TMEM41B: variants seen among roughly 807,000 people sequenced by gnomAD.
TMEM41B encodes the protein protein stasimon.
A neutral mutation model predicts 31.9 loss-of-function variants in TMEM41B; 18 were observed. That is an observed-to-expected ratio of 0.56 (90% confidence interval 0.39 to 0.84). TMEM41B has a LOEUF of 0.84. Among genes scored for constraint, TMEM41B ranks in the 40% least tolerant of loss-of-function variants. TMEM41B has a pLI of 0.00. For synonymous variants in TMEM41B, 144 were observed against 124.3 expected, an observed-to-expected ratio of 1.16 and a Z score of -1.05; for missense variants, 322 against 348.0, an observed-to-expected ratio of 0.93 and a Z score of 0.59.
At chr11:9,296,079 A>T (rs1231861244) in intron 2 of TMEM41B, among the ~76,000 whole-genome samples, 1 of 150,414 alleles carries the variant, frequency 6.6e-6, no homozygotes, top group East Asian at 2.0e-4. Context: ...CTGGTCTCAA[A>T]TTCCTGACCT....
chr11:9,295,094 G>T (rs901687814), intron 3 of TMEM41B, 165 bp downstream of exon 3: 16 of 959,390 alleles, frequency 1.7e-5, no homozygotes, highest in Non-Finnish European at 2.1e-5. Context: ...CAGCAAATAG[G>T]ATTAAAGTGA....
intron 3 of TMEM41B, among the ~76,000 whole-genome samples, chr11:9,290,799 G>A (rs1235813624): frequency 2.0e-5 from 3 of 152,078 alleles, no homozygotes; most frequent in East Asian, 3.9e-4. Flanking sequence ...ACAAAGTAGA[G>A]AAACTAGTGT....
At chr11:9,313,043 GGCT>G (rs1202307679) in intron 1 of TMEM41B, among the ~76,000 whole-genome samples, 1 of 152,060 alleles carries the variant, frequency 6.6e-6, no homozygotes, top group Non-Finnish European at 1.5e-5. Context: ...GAATACAACT[GGCT>G]GCTACCTCAA....
chr11:9,310,041 A>AT lies in TMEM41B; in HGVS notation c.121+4279dup, dbSNP rs1254741007. On this transcript the variant is annotated intron_variant, in intron 1 of 6. Transcript: ENST00000528080. ...TTCCAAGTAATGTATTATTATTATT[A>AT]TTATTTTTTTTTGAGATGGAGTCTC... Among the ~76,000 whole-genome samples the AT allele has an allele frequency of 8.3e-3, 1,237 of 148,350 alleles. 26 individuals carry two copies. The highest frequency in any genetic ancestry group is 0.028 in the African/African-American group (1,124 of 40,154).
intron 6 of TMEM41B, among the ~76,000 whole-genome samples, 162 bp downstream of exon 6, chr11:9,286,293 C>T (rs1852835704): frequency 6.6e-6 from 1 of 152,128 alleles, no homozygotes; most frequent in Non-Finnish European, 1.5e-5. Flanking sequence ...CACAATTCAA[C>T]AAACACTTCT....
chr11:9,303,103 A>G (rs7945494), intron 1 of TMEM41B, among the ~76,000 whole-genome samples: 34,023 of 55,630 alleles, frequency 0.61, 13,753 homozygotes, highest in Non-Finnish European at 0.71. Context: ...TGCAACCTCC[A>G]CCTCCCAGGT....
chr11:9,314,111 C>CA (rs1853628549), intron 1 of TMEM41B, among the ~76,000 whole-genome samples: 1 of 152,240 alleles, frequency 6.6e-6, no homozygotes, highest in South Asian at 2.1e-4. Context: ...GAATTCTACT[C>CA]AAACAGCATT....
chr11:9,309,132 G>A (rs1004405028), intron 1 of TMEM41B, among the ~76,000 whole-genome samples: 6 of 151,978 alleles, frequency 3.9e-5, no homozygotes, highest in East Asian at 1.9e-4. Flanking sequence ...CTGTAATCCC[G>A]GCTACTGGGG....
chr11:9,314,267 C>T (rs1035005626), intron 1 of TMEM41B, 54 bp downstream of exon 1: 2 of 1,538,028 alleles, frequency 1.3e-6, no homozygotes, highest in Non-Finnish European at 1.7e-6. Context: ...TTTTCCCCAC[C>T]CGACACACAG....
At chr11:9,296,294 T>C (rs950456077) in intron 2 of TMEM41B, among the ~76,000 whole-genome samples, 4 of 152,078 alleles carry the variant, frequency 2.6e-5, no homozygotes, top group African/African-American at 4.8e-5. Flanking sequence ...AAGGCATTTG[T>C]TCCAACATCG....
intron 1 of TMEM41B, among the ~76,000 whole-genome samples, chr11:9,303,758 C>T (rs1853315020): frequency 6.6e-6 from 1 of 151,068 alleles, no homozygotes; most frequent in African/African-American, 2.4e-5. Flanking sequence ...ACCTCTGCCT[C>T]CCAGGTTCAA....
At chr11:9,314,244 A>C in intron 1 of TMEM41B, 77 bp downstream of exon 1, 8 of 1,470,328 alleles carry the variant, frequency 5.4e-6, no homozygotes, top group Non-Finnish European at 7.2e-6. Flanking sequence ...CTCTCCGAGA[A>C]TAGCGGGGGT....
rs983063214 is a variant in TMEM41B at position 9,314,326 on chromosome 11, T to C, written c.116A>G (p.Gln39Arg). ...GLAAPGSRDHQKEKSWVEAGS... is the reference protein window; with the variant it reads ...GLAAPGSRDHRKEKSWVEAGS... ...TGCTCCCCGGGCCCACTCACCCTTC[T>C]GGTGGTCTCTGCTGCCAGGCGCCGC... Residue 39 changes from glutamine (Q) to arginine (R), a missense_variant, in exon 1 of 7, where the codon CAG (glutamine) becomes CGG (arginine). Around this residue, in one of 3 missense-constraint regions of TMEM41B, gnomAD observed 183 missense variants for 175.3 expected, o/e 1.04. Coordinates refer to ENST00000528080, the MANE Select transcript of TMEM41B (RefSeq NM_015012.4). 24 of 1,598,780 alleles carry C rather than the reference T, an allele frequency of 1.5e-5. No individual in the cohort carries two copies. Among genetic ancestry groups the C allele is most frequent in the Non-Finnish European group, 2.0e-5 (24 of 1,176,626 alleles).
At chr11:9,290,335 G>A (rs545949033) in intron 3 of TMEM41B, among the ~76,000 whole-genome samples, 8 of 152,088 alleles carry the variant, frequency 5.3e-5, no homozygotes, top group South Asian at 2.1e-4. Context: ...CCGAGATCTC[G>A]CCACTGCAAG....
chr11:9,284,469 G>GA (rs1049162027), intron 6 of TMEM41B, among the ~76,000 whole-genome samples: 11 of 149,070 alleles, frequency 7.4e-5, no homozygotes, highest in South Asian at 4.3e-4. Context: ...AACCTTAAAA[G>GA]AAAAAAAAAC....
intron 2 of TMEM41B, 140 bp downstream of exon 2, chr11:9,299,444 C>T (rs61264093): frequency 3.3e-6 from 2 of 604,828 alleles, no homozygotes; most frequent in Non-Finnish European, 5.9e-6. Flanking sequence ...GCTGGTCTCG[C>T]ACTCCTGGAC....
chr11:9,291,988 T>C (rs1852970919), intron 3 of TMEM41B, among the ~76,000 whole-genome samples: 1 of 152,090 alleles, frequency 6.6e-6, no homozygotes, highest in Non-Finnish European at 1.5e-5. Flanking sequence ...TTATAGGTGT[T>C]AGCCACCGTG....
chr11:9,314,516 T>G lies in TMEM41B; in HGVS notation c.-75A>C. 2 of 1,474,738 alleles carry G rather than the reference T, an allele frequency of 1.4e-6. No homozygotes were observed. Among genetic ancestry groups the G allele is most frequent in the East Asian group, 2.6e-5 (1 of 38,560 alleles). 91.4% of individuals were successfully genotyped at this position (1,474,738 alleles called of 1,614,324 possible). A position where few individuals can be genotyped will look rare whatever the true frequency, so the allele number is the denominator to read the frequency against. Reference sequence around the variant, plus strand: ...CAAAACTCTGTTGCAGGCTCCTTACTACGCCGAAGCGCCACGGCTAGAGCC... The same window carrying G: ...CAAAACTCTGTTGCAGGCTCCTTACGACGCCGAAGCGCCACGGCTAGAGCC... On this transcript the variant is annotated 5_prime_UTR_variant, in exon 1 of 7. Coordinates refer to ENST00000528080, the MANE Select transcript of TMEM41B (RefSeq NM_015012.4).
intron 1 of TMEM41B, among the ~76,000 whole-genome samples, chr11:9,301,267 C>T (rs573686895): frequency 6.6e-6 from 1 of 151,904 alleles, no homozygotes; most frequent in Admixed American, 6.6e-5. Flanking sequence ...TGGTGGTGGG[C>T]GCCTGTAGTC....
Sources: gnomAD v4.1 joint callset for allele counts (sites outside exome capture counted in the v4.1 genomes callset) on GRCh38, gnomAD v4.1.1 for gene constraint, gnomAD v4.1.1 regional missense constraint, MANE v1.5 for transcripts, NCBI Gene and HGNC (gene_info 2026-07-23, HGNC 2026-07-21) for gene names.